Variants in HCN1 observed in about 807,000 individuals in gnomAD.
HCN1 encodes potassium/sodium hyperpolarization-activated cyclic nucleotide-gated channel 1.
In HCN1, 13 loss-of-function variants were observed where a neutral mutation model predicts 78.9. That is an observed-to-expected ratio of 0.16 (90% confidence interval 0.11 to 0.26). HCN1 has a LOEUF of 0.26. Ranked by LOEUF, HCN1 falls within the 10% of genes least tolerant of loss-of-function variation. The pLI is 1.00. For missense variants in HCN1, 810 were observed against 1,154.3 expected (o/e 0.70, Z 4.32); for synonymous variants, 552 against 455.5 (o/e 1.21, Z -2.70).
chr5:45,492,298 G>A (rs1389632936), intron 2 of HCN1, among the ~76,000 whole-genome samples: 1 of 123,738 alleles, frequency 8.1e-6, no homozygotes, highest in Non-Finnish European at 1.9e-5. Context: ...CTCTGTGTAT[G>A]TGTGTGTGTG....
intron 2 of HCN1, among the ~76,000 whole-genome samples, chr5:45,599,333 C>T (rs1744576254): frequency 6.6e-6 from 1 of 151,612 alleles, no homozygotes; most frequent in Non-Finnish European, 1.5e-5. Context: ...ACCACATGTT[C>T]TCACTCATGG....
chr5:45,483,798 T>C (rs935688727), intron 2 of HCN1, among the ~76,000 whole-genome samples: 1 of 152,138 alleles, frequency 6.6e-6, no homozygotes, highest in African/African-American at 2.4e-5. Flanking sequence ...TTTCTGTATA[T>C]GATGAAAGGT....
At chr5:45,681,028 TAC>T (rs1432667627) in intron 1 of HCN1, among the ~76,000 whole-genome samples, 1 of 152,144 alleles carries the variant, frequency 6.6e-6, no homozygotes, top group African/African-American at 2.4e-5. Context: ...GCTCTTCAGA[TAC>T]ATTGCCTGCC....
chr5:45,670,503 T>C (rs534798548), intron 1 of HCN1, among the ~76,000 whole-genome samples: 43 of 151,796 alleles, frequency 2.8e-4, no homozygotes, highest in African/African-American at 9.6e-4. Context: ...CTGGAGGTCA[T>C]TAAGAATCAT....
intron 1 of HCN1, among the ~76,000 whole-genome samples, chr5:45,648,896 T>A (rs1002124689): frequency 1.3e-5 from 2 of 151,804 alleles, no homozygotes; most frequent in Non-Finnish European, 2.9e-5. Flanking sequence ...GCAACTTACC[T>A]AACAATCAAT....
chr5:45,308,958 G>A (rs1438070208), intron 5 of HCN1, among the ~76,000 whole-genome samples: 3 of 152,146 alleles, frequency 2.0e-5, no homozygotes, highest in Non-Finnish European at 4.4e-5. Context: ...GCTTTGGGCA[G>A]TATGGCCATT....
rs1580023720 is a variant in HCN1, at chr5:45,656,182, G to A, written c.426-10574C>T. On this transcript the variant is annotated intron_variant, in intron 1 of 7. Transcript: ENST00000303230. ...AGATAATCAATTGGTCACCTTTTAA[G>A]TAAGTTCTGGTATTAAAGAAATTTA... Among the ~76,000 whole-genome samples, 3 of 152,256 alleles carry A rather than the reference G, an allele frequency of 2.0e-5. No individual in the cohort carries two copies. The South Asian group carries it at 6.2e-4, about 32-fold the overall frequency.
At chr5:45,659,594 C>T (rs1363687833) in intron 1 of HCN1, among the ~76,000 whole-genome samples, 1 of 145,990 alleles carries the variant, frequency 6.8e-6, no homozygotes, top group Non-Finnish European at 1.5e-5. Flanking sequence ...ATAACCAATA[C>T]AGAGAAGTGC....
At chr5:45,529,473 G>A (rs888961665) in intron 2 of HCN1, among the ~76,000 whole-genome samples, 1 of 151,902 alleles carries the variant, frequency 6.6e-6, no homozygotes, top group African/African-American at 2.4e-5. Context: ...TGAAAAGCAG[G>A]CTCCTGCTCA....
At chr5:45,566,072 C>A (rs1399137201) in intron 2 of HCN1, among the ~76,000 whole-genome samples, 1 of 152,088 alleles carries the variant, frequency 6.6e-6, no homozygotes, top group Admixed American at 6.5e-5. Flanking sequence ...TATCACAGGT[C>A]AATATCATTC....
chr5:45,367,285 T>C (rs1747256570), intron 4 of HCN1, among the ~76,000 whole-genome samples: 1 of 151,896 alleles, frequency 6.6e-6, no homozygotes, highest in African/African-American at 2.4e-5. Flanking sequence ...CATGTCATAT[T>C]GTATACAAAA....
chr5:45,670,579 T>C (rs1167102462), intron 1 of HCN1, among the ~76,000 whole-genome samples: 2 of 151,678 alleles, frequency 1.3e-5, no homozygotes, highest in Admixed American at 6.6e-5. Flanking sequence ...ATTTCTTAAA[T>C]TGTCATGCCC....
intron 2 of HCN1, among the ~76,000 whole-genome samples, chr5:45,583,090 A>C (rs1744120528): frequency 6.6e-6 from 1 of 152,116 alleles, no homozygotes; most frequent in Non-Finnish European, 1.5e-5. Flanking sequence ...GAATAGTTTC[A>C]GAAGGAATGG....
At chr5:45,673,656 G>C (rs1746201136) in intron 1 of HCN1, among the ~76,000 whole-genome samples, 1 of 151,204 alleles carries the variant, frequency 6.6e-6, no homozygotes, top group East Asian at 1.9e-4. Context: ...ACAATTCTTT[G>C]CTTATATCAG....
At chr5:45,295,562 A>G (rs975347436) in intron 6 of HCN1, among the ~76,000 whole-genome samples, 11 of 152,056 alleles carry the variant, frequency 7.2e-5, no homozygotes, top group African/African-American at 2.7e-4. Flanking sequence ...ATACTGATCT[A>G]GAAACATACT....
intron 4 of HCN1, among the ~76,000 whole-genome samples, chr5:45,374,216 A>G (rs1440221589): frequency 8.5e-6 from 1 of 117,344 alleles, no homozygotes; most frequent in South Asian, 2.6e-4. Context: ...CATATATATT[A>G]TGTACATTAT....
At chr5:45,457,479 C>A (rs983174833) in intron 3 of HCN1, among the ~76,000 whole-genome samples, 1 of 152,078 alleles carries the variant, frequency 6.6e-6, no homozygotes, top group Non-Finnish European at 1.5e-5. Context: ...AGACTTATTT[C>A]TTGAATGAAA....
At chr5:45,400,186 G>A (rs561882079) in intron 3 of HCN1, among the ~76,000 whole-genome samples, 11 of 151,932 alleles carry the variant, frequency 7.2e-5, no homozygotes, top group Admixed American at 2.6e-4. Context: ...ATGGGGTGTC[G>A]AGTGGAGACT....
At chr5:45,683,758 C>T (rs1739750925) in intron 1 of HCN1, among the ~76,000 whole-genome samples, 1 of 151,858 alleles carries the variant, frequency 6.6e-6, no homozygotes, top group Non-Finnish European at 1.5e-5. Flanking sequence ...GAAGCCTCAA[C>T]CTGCTGGGAT....
Sources: gnomAD v4.1 joint callset for allele counts (sites outside exome capture counted in the v4.1 genomes callset) on GRCh38, gnomAD v4.1.1 for gene constraint, MANE v1.5 for transcripts, NCBI Gene and HGNC (gene_info 2026-07-23, HGNC 2026-07-21) for gene names.